Variants in TMCC3 observed in about 807,000 individuals in gnomAD.
TMCC3 encodes the protein transmembrane and coiled-coil domain family 3, also known as transmembrane and coiled-coil domain protein 3.
Under a neutral mutation model 40.2 loss-of-function variants are expected in TMCC3, and 28 were observed. The observed-to-expected ratio is 0.70, with a 90% CI of 0.52 to 0.95. The LOEUF (loss-of-function observed/expected upper bound fraction) is 0.95, where lower values mean the gene tolerates loss of function less well. TMCC3 is among the 40% of genes least tolerant of loss of function. The pLI, the probability that TMCC3 is intolerant of heterozygous loss-of-function variation, is 0.00. For missense variants in TMCC3, 554 were observed against 615.2 expected, an observed-to-expected ratio of 0.90 and a Z score of 1.05; for synonymous variants, 255 against 248.5, an observed-to-expected ratio of 1.03 and a Z score of -0.25.
chr12:94,599,938 C>T (rs1168303214), intron 1 of TMCC3, among the ~76,000 whole-genome samples: 2 of 152,114 alleles, frequency 1.3e-5, no homozygotes, highest in Admixed American at 1.3e-4. Flanking sequence ...GCCTGTAGCC[C>T]CAGCTACGCA....
Position 94,582,029 on chromosome 12 carries a change from A to G in TMCC3, c.588T>C (p.Pro196=), listed in dbSNP as rs768009120. ...CTCTGGACTTATTGAAAACGAACACAGGTGGAGTAAGTGAGACCCCTGGCA... is the reference window on the plus strand; with the variant it reads ...CTCTGGACTTATTGAAAACGAACACGGGTGGAGTAAGTGAGACCCCTGGCA... ...SGMPGVSLTP[P]VFVFNKSREF... The change falls in exon 2 of 4, where the codon CCT becomes CCC. Residue 196 remains proline, a synonymous_variant. Coordinates refer to ENST00000261226, the MANE Select transcript of TMCC3 (RefSeq NM_020698.4). 24 of 1,614,078 alleles carry G rather than the reference A, an allele frequency of 1.5e-5. No homozygotes were observed. The highest frequency in any genetic ancestry group is 1.9e-5 in the Non-Finnish European group (23 of 1,180,032).
intron 1 of TMCC3, among the ~76,000 whole-genome samples, chr12:94,606,731 G>C (rs970360377): frequency 2.0e-5 from 3 of 152,138 alleles, no homozygotes; most frequent in African/African-American, 7.2e-5. Flanking sequence ...AAACCAGCAA[G>C]TTTTTATTAG....
intron 1 of TMCC3, among the ~76,000 whole-genome samples, chr12:94,625,587 C>G (rs1050545276): frequency 7.6e-6 from 1 of 132,390 alleles, no homozygotes; most frequent in Middle Eastern, 3.9e-3. Flanking sequence ...GAGCAAGACT[C>G]CATCTCAAAA....
rs750228763 is a variant in TMCC3, at chr12:94,569,308, G to A, written c.*2127C>T. The A allele has an allele frequency of 6.6e-6, 1 of 152,244 alleles. No individual in the cohort carries two copies. The highest frequency in any genetic ancestry group is 1.5e-5 in the Non-Finnish European group (1 of 68,064). 9.4% of individuals were successfully genotyped at this position (152,244 alleles called of 1,614,324 possible). A position where few individuals can be genotyped will look rare whatever the true frequency, so the allele number is the denominator to read the frequency against. ...CTGAGTCTGATGCCCACAGGTAAAGGGTAATGCTGGCCATCGAAATACAAA... is the reference window on the plus strand; with the variant it reads ...CTGAGTCTGATGCCCACAGGTAAAGAGTAATGCTGGCCATCGAAATACAAA... On this transcript the variant is annotated 3_prime_UTR_variant, in exon 4 of 4. Transcript: ENST00000261226.
intron 1 of TMCC3, among the ~76,000 whole-genome samples, chr12:94,618,211 T>C (rs2651979): frequency 0.97 from 147,122 of 152,304 alleles, 71,156 homozygotes; most frequent in African/African-American, 0.99. Flanking sequence ...ATTTGGGATC[T>C]AACTTGTCTT....
In TMCC3 at chr12:94,585,884, G is replaced by A. The variant is rs559524920; in HGVS notation, c.79-3346C>T. Among the ~76,000 whole-genome samples the A allele has an allele frequency of 5.3e-5, 8 of 152,274 alleles. No individual in the cohort carries two copies. In the South Asian group the frequency reaches 1.7e-3, roughly 32 times the overall value. Reference sequence around the variant, plus strand: ...TGCAGACTGCAAGCTCCTTTGGGGAGGCATGATGTCATAGCTGTACCTAAC... The same window carrying A: ...TGCAGACTGCAAGCTCCTTTGGGGAAGCATGATGTCATAGCTGTACCTAAC... On this transcript the variant is annotated intron_variant, in intron 1 of 3. Coordinates refer to ENST00000261226, the MANE Select transcript of TMCC3 (RefSeq NM_020698.4).
intron 1 of TMCC3, among the ~76,000 whole-genome samples, chr12:94,633,238 C>T (rs2068942678): frequency 6.6e-6 from 1 of 152,082 alleles, no homozygotes; most frequent in Admixed American, 6.6e-5. Context: ...ATGGATTCAT[C>T]CAGTGTGTGA....
chr12:94,624,760 T>C (rs1242986041), intron 1 of TMCC3, among the ~76,000 whole-genome samples: 1 of 151,996 alleles, frequency 6.6e-6, no homozygotes, highest in Non-Finnish European at 1.5e-5. Flanking sequence ...AATAAAGTAC[T>C]GATTCATGCT....
At position 94,582,124 on chromosome 12, in the gene TMCC3, G is replaced by T. The variant is rs374305237; in HGVS notation, c.493C>A (p.Arg165Ser). The T allele has an allele frequency of 6.2e-7, 1 of 1,614,018 alleles. No homozygotes were observed. Among genetic ancestry groups the T allele is most frequent in the Non-Finnish European group, 8.5e-7 (1 of 1,180,040 alleles). ...TTCACGTGGGCATCTTTCAAAGAGC[G>T]ATGTATATCCTTCAGGTGGTCTTTG... is the stretch of plus-strand genomic sequence containing the variant. ...ISKDHLKDIH[R>S]SLKDAHVKSR... The change falls in exon 2 of 4, where the codon CGC (arginine) becomes AGC (serine). Residue 165 changes from arginine to serine, a missense_variant. Physicochemically the swap from Arg to Ser is moderately radical, Grantham distance 110. Transcript: ENST00000261226.
chr12:94,597,416 A>G (rs550566979), intron 1 of TMCC3, among the ~76,000 whole-genome samples: 8 of 152,044 alleles, frequency 5.3e-5, no homozygotes, highest in Non-Finnish European at 8.8e-5. Flanking sequence ...GGACCGTTGT[A>G]ATTGTGGCAG....
chr12:94,571,166 C>G lies in TMCC3; in HGVS notation c.*269G>C. ...GGTCTCAATATACAGAGGTTTACCA[C>G]GCTGGGCTGGTCAGGTGGGCAGGAA... On this transcript the variant is annotated 3_prime_UTR_variant, in exon 4 of 4. Transcript: ENST00000261226. 2.1e-6 allele frequency: 1 copy of G among 473,680 alleles called. No homozygotes were observed. Among genetic ancestry groups the G allele is most frequent in the South Asian group, 2.5e-5 (1 of 40,594 alleles). 29.3% of individuals were successfully genotyped at this position (473,680 alleles called of 1,614,324 possible). A position where few individuals can be genotyped will look rare whatever the true frequency, so the allele number is the denominator to read the frequency against.
chr12:94,609,029 T>A (rs1265584672), intron 1 of TMCC3, among the ~76,000 whole-genome samples: 1 of 151,916 alleles, frequency 6.6e-6, no homozygotes, highest in East Asian at 1.9e-4. Context: ...CCTGGACAAC[T>A]AAGCAAGACG....
chr12:94,617,346 C>T (rs1378116278), intron 1 of TMCC3, among the ~76,000 whole-genome samples: 2 of 152,192 alleles, frequency 1.3e-5, no homozygotes, highest in African/African-American at 4.8e-5. Flanking sequence ...CAAATCCCAG[C>T]TTCTGCCTCT....
chr12:94,599,559 C>A (rs534845715), intron 1 of TMCC3, among the ~76,000 whole-genome samples: 7 of 94,370 alleles, frequency 7.4e-5, no homozygotes, highest in East Asian at 6.2e-4. Flanking sequence ...AAAAGATACC[C>A]CCCCCCCCGC....
At chr12:94,585,651 A>T (rs2068634199) in intron 1 of TMCC3, among the ~76,000 whole-genome samples, 1 of 151,472 alleles carries the variant, frequency 6.6e-6, no homozygotes, top group African/African-American at 2.4e-5. Flanking sequence ...GAGCCATTGC[A>T]CTCCAGCCTG....
intron 1 of TMCC3, 36 bp downstream of exon 1, chr12:94,650,317 G>A (rs1012545668): frequency 4.7e-5 from 57 of 1,224,940 alleles, no homozygotes; most frequent in Non-Finnish European, 5.2e-5. Flanking sequence ...CCCCGGGCCC[G>A]CGCGCACCCG....
intron 1 of TMCC3, among the ~76,000 whole-genome samples, chr12:94,615,738 TTTAAGTA>T (rs1405492846): frequency 6.6e-6 from 1 of 152,186 alleles, no homozygotes; most frequent in Non-Finnish European, 1.5e-5. Flanking sequence ...GTTTAGGCAG[TTTAAGTA>T]TCTAGAAACC....
chr12:94,600,530 T>C (rs976011854), intron 1 of TMCC3, among the ~76,000 whole-genome samples: 4 of 152,216 alleles, frequency 2.6e-5, no homozygotes, highest in East Asian at 3.8e-4. Flanking sequence ...CCCTTGCTGG[T>C]ACTTAAGCCC....
At chr12:94,647,986 G>T (rs1357183599) in intron 1 of TMCC3, among the ~76,000 whole-genome samples, 2 of 152,154 alleles carry the variant, frequency 1.3e-5, no homozygotes, top group African/African-American at 4.8e-5. Context: ...TTTCAACTGG[G>T]ACCTCAAGAA....
Sources: gnomAD v4.1 joint callset for allele counts (sites outside exome capture counted in the v4.1 genomes callset) on GRCh38, gnomAD v4.1.1 for gene constraint, MANE v1.5 for transcripts, NCBI Gene and HGNC (gene_info 2026-07-23, HGNC 2026-07-21) for gene names.